WDR27: variants seen among roughly 807,000 people sequenced by gnomAD.
WDR27 encodes WD repeat-containing protein 27.
Under a neutral mutation model 114.4 loss-of-function variants are expected in WDR27, and 100 were observed. That is an observed-to-expected ratio of 0.87 (90% confidence interval 0.74 to 1.03). The LOEUF (loss-of-function observed/expected upper bound fraction) is 1.03. WDR27 is among the 50% of genes least tolerant of loss of function. The pLI is 0.00. For missense variants in WDR27, 1,129 were observed against 1,092.9 expected, an observed-to-expected ratio of 1.03 and a Z score of -0.47; for synonymous variants, 449 against 423.1, an observed-to-expected ratio of 1.06 and a Z score of -0.75.
chr6:169,445,081 C>T, the WDR27 span, among the ~76,000 whole-genome samples: 15 of 152,300 alleles, frequency 9.8e-5, no homozygotes, highest in East Asian at 1.7e-3. Flanking sequence ...CAAACAATAA[C>T]GATGGCTGGC....
intron 17 of WDR27, among the ~76,000 whole-genome samples, chr6:169,642,086 A>T (rs917788106): frequency 6.6e-6 from 1 of 152,228 alleles, no homozygotes; most frequent in African/African-American, 2.4e-5. Flanking sequence ...ACCTGACTGT[A>T]TGCTCAGAGG....
intron 2 of WDR27, 144 bp downstream of exon 2, chr6:169,688,673 A>T (rs754956297): frequency 6.4e-4 from 238 of 369,620 alleles, no homozygotes; most frequent in Non-Finnish European, 8.7e-4. Flanking sequence ...AAAATAAAAA[A>T]ATATATATAA....
At chr6:169,632,915 A>G in intron 21 of WDR27, 32 bp downstream of exon 21, 1 of 1,562,588 alleles carries the variant, frequency 6.4e-7, no homozygotes, top group Non-Finnish European at 8.7e-7. Flanking sequence ...ATAGTTTTAC[A>G]GATGATACAT....
chr6:169,648,127 G>A (rs901933098), intron 15 of WDR27, among the ~76,000 whole-genome samples: 5 of 152,248 alleles, frequency 3.3e-5, no homozygotes, highest in African/African-American at 1.2e-4. Context: ...GATTTGCTGT[G>A]TTTCATATAA....
intron 3 of WDR27, 91 bp from the exon 4 acceptor site, chr6:169,670,784 T>G (rs1333614467): frequency 1.3e-6 from 2 of 1,481,758 alleles, no homozygotes; most frequent in Non-Finnish European, 1.8e-6. Context: ...AACCCTCTAT[T>G]CTAAAATTAC....
intron 2 of WDR27, among the ~76,000 whole-genome samples, chr6:169,682,275 GA>G (rs1781739135): frequency 6.6e-6 from 1 of 152,180 alleles, no homozygotes; most frequent in Non-Finnish European, 1.5e-5. Context: ...ACTGCTGTTA[GA>G]AAACTATCCA....
chr6:169,598,838 A>AT (rs1490213228), intron 23 of WDR27, among the ~76,000 whole-genome samples: 5 of 152,274 alleles, frequency 3.3e-5, no homozygotes, highest in African/African-American at 7.2e-5. Flanking sequence ...ATAAGTGTCT[A>AT]TTTTTTTAAC....
the WDR27 span, among the ~76,000 whole-genome samples, chr6:169,428,021 A>G: frequency 6.6e-6 from 1 of 152,062 alleles, no homozygotes; most frequent in Non-Finnish European, 1.5e-5. Flanking sequence ...CGGCGTCGAC[A>G]TTTTCTGAAA....
intron 25 of WDR27, among the ~76,000 whole-genome samples, chr6:169,471,847 T>C (rs989345043): frequency 2.6e-5 from 4 of 152,190 alleles, no homozygotes; most frequent in African/African-American, 9.6e-5. Flanking sequence ...TCCAAGATCA[T>C]GGTACCAGCA....
chr6:169,463,933 C>T (rs1050470448), intron 25 of WDR27, among the ~76,000 whole-genome samples: 1 of 152,182 alleles, frequency 6.6e-6, no homozygotes, highest in East Asian at 1.9e-4. Context: ...AATTGGAATA[C>T]TTAATATCAC....
At chr6:169,452,642 A>G (rs528122238), downstream of WDR27, among the ~76,000 whole-genome samples, 1 of 152,266 alleles carries the variant, frequency 6.6e-6, no homozygotes, top group South Asian at 2.1e-4. Flanking sequence ...GAGGAGGGCA[A>G]GGCGGAGCCC....
intron 17 of WDR27, among the ~76,000 whole-genome samples, chr6:169,640,833 G>A (rs1304157460): frequency 2.1e-5 from 3 of 142,528 alleles, no homozygotes; most frequent in East Asian, 2.3e-4. Context: ...GGCTGCAAGA[G>A]GCCGCGAGAG....
rs191310050 is a variant in WDR27 at position 169,590,575 on chromosome 6, C to T, written c.2425-7641G>A. 2.9e-3 allele frequency among the ~76,000 whole-genome samples: 436 copies of T among 152,312 alleles called. 3 individuals carry two copies. The highest frequency in any genetic ancestry group is 0.01 in the African/African-American group (420 of 41,574). ...ATGGTGGCACGCAGGGCCACCTGGCCGCCCGCCACACCAGCCATGGGAGGC... is the reference window on the plus strand; with the variant it reads ...ATGGTGGCACGCAGGGCCACCTGGCTGCCCGCCACACCAGCCATGGGAGGC... On this transcript the variant is annotated intron_variant, in intron 23 of 25. Transcript: ENST00000448612.
intron 25 of WDR27, among the ~76,000 whole-genome samples, chr6:169,469,023 C>T (rs1583607147): frequency 6.6e-6 from 1 of 152,158 alleles, no homozygotes; most frequent in African/African-American, 2.4e-5. Flanking sequence ...TCATGTAACC[C>T]TAATTTCCTC....
intron 21 of WDR27, among the ~76,000 whole-genome samples, chr6:169,617,777 GCCA>G (rs1812208569): frequency 6.6e-6 from 1 of 152,196 alleles, no homozygotes; most frequent in Admixed American, 6.5e-5. Context: ...AAAAGATGGA[GCCA>G]CCATTTTGAA....
intron 1 of WDR27, among the ~76,000 whole-genome samples, chr6:169,690,202 A>T (rs970767969): frequency 4.6e-5 from 7 of 152,080 alleles, no homozygotes; most frequent in Non-Finnish European, 7.4e-5. Context: ...CAGAGGATCC[A>T]CCCATGAGGC....
intron 25 of WDR27, among the ~76,000 whole-genome samples, chr6:169,496,444 C>T (rs1028639750): frequency 6.6e-6 from 1 of 151,848 alleles, no homozygotes; most frequent in Admixed American, 6.6e-5. Context: ...AAAGTTCTAG[C>T]CAGAAATTAA....
intron 25 of WDR27, among the ~76,000 whole-genome samples, chr6:169,510,837 C>T (rs77045771): frequency 0.016 from 2,506 of 152,212 alleles, 66 homozygotes; most frequent in African/African-American, 0.057. Flanking sequence ...ACAATTTCTT[C>T]CTCCATTTTT....
Position 169,636,507 on chromosome 6 carries a change from G to A in WDR27, c.1870-3C>T. ...GGTTTAGAAAACATGTCTTTGCCCT[G>A]TAATGCAAATCAGTAATTACTGTCA... is the stretch of plus-strand genomic sequence containing the variant. On this transcript the variant is annotated splice_region_variant and splice_polypyrimidine_tract_variant and intron_variant, in intron 18 of 25. Coordinates refer to ENST00000448612, the MANE Select transcript of WDR27 (RefSeq NM_182552.5). The A allele has an allele frequency of 6.3e-7, 1 of 1,596,774 alleles. No individual in the cohort carries two copies. Among genetic ancestry groups the A allele is most frequent in the Non-Finnish European group, 8.5e-7 (1 of 1,172,410 alleles).
Sources: allele counts gnomAD v4.1 joint callset (sites outside exome capture counted in the v4.1 genomes callset), GRCh38; gene constraint gnomAD v4.1.1; transcripts MANE v1.5; gene names NCBI Gene and HGNC (gene_info 2026-07-23, HGNC 2026-07-21).